NUP153: variants seen among roughly 807,000 people sequenced by gnomAD.
The protein encoded by NUP153 is nuclear pore complex protein Nup153.
Under a neutral mutation model 134.6 loss-of-function variants are expected in NUP153, and 27 were observed. That is an observed-to-expected ratio of 0.20 (90% CI 0.15 to 0.28). The LOEUF is 0.28. NUP153 is among the 10% of genes least tolerant of loss of function. The pLI is 1.00. For missense variants in NUP153, 1,821 were observed against 1,731.3 expected, an observed-to-expected ratio of 1.05 and a Z score of -0.92; for synonymous variants, 640 against 623.5, an observed-to-expected ratio of 1.03 and a Z score of -0.40.
chr6:17,695,629 ATG>A (rs1769585211), intron 1 of NUP153, among the ~76,000 whole-genome samples: 1 of 152,212 alleles, frequency 6.6e-6, no homozygotes, highest in African/African-American at 2.4e-5. Context: ...TGTGTTTATG[ATG>A]CACAGCCAAC....
intron 16 of NUP153, among the ~76,000 whole-genome samples, chr6:17,634,441 ATT>A (rs71002238): frequency 7.5e-5 from 11 of 146,378 alleles, no homozygotes; most frequent in Admixed American, 1.4e-4. Flanking sequence ...CCTTACATAC[ATT>A]TTTTTTTTTT....
intron 1 of NUP153, among the ~76,000 whole-genome samples, chr6:17,700,893 CT>C (rs1162950573): frequency 7.9e-5 from 12 of 152,190 alleles, no homozygotes; most frequent in African/African-American, 2.2e-4. Flanking sequence ...TTACTGACCC[CT>C]GATCTAAGCT....
chr6:17,655,109 G>T (rs1366515917), intron 11 of NUP153, among the ~76,000 whole-genome samples: 2 of 152,090 alleles, frequency 1.3e-5, no homozygotes, highest in Non-Finnish European at 2.9e-5. Context: ...TACATGTTTT[G>T]TATCAATGAG....
chr6:17,626,053 G>A lies in NUP153; in HGVS notation c.3656C>T (p.Ser1219Phe). ...GGIFGSSTSSSNPPVATFVFG... is the reference protein window; with the variant it reads ...GGIFGSSTSSFNPPVATFVFG... ...CACAAAGGTAGCCACAGGTGGATTG[G>A]AGGAAGAGGTGGAACTACCAAATAT... The change falls in exon 19 of 22, where the codon TCC becomes TTC. Residue 1219 changes from serine to phenylalanine, a missense_variant. Physicochemically the swap from Ser to Phe is radical, Grantham distance 155. Transcript: ENST00000262077. 2.5e-6 allele frequency: 4 copies of A among 1,614,190 alleles called. No individual in the cohort carries two copies. The highest frequency in any genetic ancestry group is 1.7e-6 in the Non-Finnish European group (2 of 1,180,034).
intron 16 of NUP153, among the ~76,000 whole-genome samples, chr6:17,636,775 C>G (rs1010737016): frequency 3.3e-5 from 5 of 152,180 alleles, no homozygotes; most frequent in Non-Finnish European, 7.3e-5. Context: ...AAGAAACCTT[C>G]CCTGTAAATG....
chr6:17,653,248 A>G (rs1419207201), intron 11 of NUP153, among the ~76,000 whole-genome samples: 2 of 152,182 alleles, frequency 1.3e-5, no homozygotes, highest in African/African-American at 4.8e-5. Flanking sequence ...GCGAGGCTCC[A>G]TCTCAAAAAA....
intron 1 of NUP153, among the ~76,000 whole-genome samples, chr6:17,701,844 G>GAGA (rs1554148667): frequency 1.2e-5 from 1 of 81,706 alleles, no homozygotes; most frequent in Non-Finnish European, 2.6e-5. Context: ...GGGGGGGGGG[G>GAGA]AAAAAAGCTA....
At chr6:17,643,576 C>T (rs1412910760) in intron 14 of NUP153, among the ~76,000 whole-genome samples, 1 of 152,226 alleles carries the variant, frequency 6.6e-6, no homozygotes, top group Admixed American at 6.5e-5. Flanking sequence ...AGTTAAATTG[C>T]TTTTAGTAAT....
intron 10 of NUP153, 57 bp downstream of exon 10, chr6:17,661,961 A>C: frequency 1.5e-6 from 2 of 1,357,632 alleles, no homozygotes; most frequent in South Asian, 2.5e-5. Flanking sequence ...TGTAAATTAA[A>C]TACAGACCTT....
At chr6:17,679,123 G>C (rs1768415672) in intron 2 of NUP153, among the ~76,000 whole-genome samples, 1 of 152,092 alleles carries the variant, frequency 6.6e-6, no homozygotes, top group Non-Finnish European at 1.5e-5. Flanking sequence ...AAACATGTTT[G>C]CAGATGATAT....
intron 12 of NUP153, 88 bp downstream of exon 12, chr6:17,649,075 T>A: frequency 8.3e-7 from 1 of 1,207,190 alleles, no homozygotes; most frequent in Non-Finnish European, 1.1e-6. Flanking sequence ...ATAATGAAAA[T>A]TAAACACTGT....
intron 11 of NUP153, among the ~76,000 whole-genome samples, chr6:17,651,372 C>T (rs1240679486): frequency 6.6e-6 from 1 of 151,874 alleles, no homozygotes; most frequent in African/African-American, 2.4e-5. Context: ...AATAAATATT[C>T]CCTTAACCCC....
At chr6:17,690,669 GAA>G (rs929294778) in intron 1 of NUP153, among the ~76,000 whole-genome samples, 51 of 151,914 alleles carry the variant, frequency 3.4e-4, no homozygotes, top group African/African-American at 1.1e-3. Flanking sequence ...GGATTTCAAA[GAA>G]AGAGTCAAAG....
At chr6:17,627,492 T>G (rs996657788) in intron 18 of NUP153, among the ~76,000 whole-genome samples, 1 of 152,196 alleles carries the variant, frequency 6.6e-6, no homozygotes, top group Non-Finnish European at 1.5e-5. Flanking sequence ...TTGGTGTTTT[T>G]TTGTTGTTGT....
intron 20 of NUP153, among the ~76,000 whole-genome samples, chr6:17,623,601 T>A (rs1764766093): frequency 6.6e-6 from 1 of 151,998 alleles, no homozygotes; most frequent in African/African-American, 2.4e-5. Flanking sequence ...ATGTACAGAG[T>A]AGCATTTCCT....
At chr6:17,626,744 T>A (rs1167498649) in intron 18 of NUP153, among the ~76,000 whole-genome samples, 1 of 152,254 alleles carries the variant, frequency 6.6e-6, no homozygotes, top group Non-Finnish European at 1.5e-5. Flanking sequence ...CAAAGCTGCC[T>A]GTGTGCCTGC....
chr6:17,616,029 G>C lies in NUP153; in HGVS notation c.*68C>G, dbSNP rs1039170566. ...TGACTTCAGATAACCCCAGCACAAAGTACAATCCAGTATCTGAAAGCAGGG... is the reference window on the plus strand; with the variant it reads ...TGACTTCAGATAACCCCAGCACAAACTACAATCCAGTATCTGAAAGCAGGG... On this transcript the variant is annotated 3_prime_UTR_variant, in exon 22 of 22. Coordinates refer to ENST00000262077, the MANE Select transcript of NUP153 (RefSeq NM_005124.4). 17 of 1,151,246 alleles carry C rather than the reference G, an allele frequency of 1.5e-5. No homozygotes were observed. Among genetic ancestry groups the C allele is most frequent in the Middle Eastern group, 2.0e-4 (1 of 5,050 alleles). 71.3% of individuals were successfully genotyped at this position (1,151,246 alleles called of 1,614,324 possible).
intron 11 of NUP153, among the ~76,000 whole-genome samples, chr6:17,655,342 G>A (rs1007947881): frequency 6.6e-6 from 1 of 152,038 alleles, no homozygotes; most frequent in Non-Finnish European, 1.5e-5. Flanking sequence ...AACACTATCT[G>A]AAATCAGTTA....
At chr6:17,617,582 C>T (rs1404319303) in intron 20 of NUP153, among the ~76,000 whole-genome samples, 5 of 151,912 alleles carry the variant, frequency 3.3e-5, no homozygotes, top group Non-Finnish European at 7.4e-5. Context: ...GTGACTCATG[C>T]GTATAATCCT....
Sources: gnomAD v4.1 joint callset for allele counts (sites outside exome capture counted in the v4.1 genomes callset) on GRCh38, gnomAD v4.1.1 for gene constraint, MANE v1.5 for transcripts, NCBI Gene and HGNC (gene_info 2026-07-23, HGNC 2026-07-21) for gene names.